The following MYO1H variants were observed in gnomAD, a reference collection of about 807,000 sequenced individuals.
MYO1H encodes unconventional myosin-Ih.
MYO1H carries 118 observed loss-of-function variants against 149.3 expected under a neutral mutation model. That is an observed-to-expected ratio of 0.79 (90% CI 0.68 to 0.92). The LOEUF (loss-of-function observed/expected upper bound fraction) is 0.92. Ranked by LOEUF, MYO1H falls within the 40% of genes least tolerant of loss-of-function variation. The pLI, the probability that MYO1H is intolerant of heterozygous loss-of-function variation, is 0.00. For synonymous variants in MYO1H, 447 were observed against 465.2 expected, an observed-to-expected ratio of 0.96 and a Z score of 0.50; for missense variants, 1,212 against 1,280.7, an observed-to-expected ratio of 0.95 and a Z score of 0.82.
intron 31 of MYO1H, 55 bp downstream of exon 31, chr12:109,445,667 A>T: frequency 6.4e-7 from 1 of 1,566,848 alleles, no homozygotes. Flanking sequence ...AATATAAGTT[A>T]AAGTTCTACC....
At chr12:109,438,410 T>A in intron 22 of MYO1H, 126 bp from the exon 23 acceptor site, 1 of 721,270 alleles carries the variant, frequency 1.4e-6, no homozygotes. Flanking sequence ...CTTCCATCTC[T>A]GAGGCTAACA....
At chr12:109,425,568 C>CA (rs1254365601) in intron 17 of MYO1H, among the ~76,000 whole-genome samples, 2 of 152,104 alleles carry the variant, frequency 1.3e-5, no homozygotes, top group Non-Finnish European at 2.9e-5. Context: ...AAAATACCAT[C>CA]AAATAAAGAA....
chr12:109,326,019 T>C, the MYO1H span, among the ~76,000 whole-genome samples: 1 of 152,224 alleles, frequency 6.6e-6, no homozygotes, highest in African/African-American at 2.4e-5. Context: ...AGACCATCCC[T>C]GATAGCAGTT....
Position 109,377,488 on chromosome 12 carries a change from C to A in MYO1H, c.13-11195C>A, listed in dbSNP as rs142047080. 4.0e-3 allele frequency among the ~76,000 whole-genome samples: 606 copies of A among 152,192 alleles called. 9 individuals are homozygous for A. Among genetic ancestry groups the A allele is most frequent in the African/African-American group, 0.012 (517 of 41,514 alleles). ...GGGCATTAATTTATTCATGAGGGAT[C>A]CATGGGATGGAGCCTATGACCCAAG... On this transcript the variant is annotated intron_variant, in intron 1 of 31. Coordinates refer to ENST00000310903, the Ensembl canonical transcript of MYO1H.
chr12:109,337,043 T>G, the MYO1H span, among the ~76,000 whole-genome samples: 4 of 152,152 alleles, frequency 2.6e-5, no homozygotes, highest in African/African-American at 9.7e-5. Flanking sequence ...AAGACACTTC[T>G]AGAACCTCTC....
intron 21 of MYO1H, among the ~76,000 whole-genome samples, 195 bp from the exon 22 acceptor site, chr12:109,436,293 G>A (rs2135594965): frequency 6.6e-6 from 1 of 152,194 alleles, no homozygotes. Context: ...CAGTTCCCGG[G>A]CAGCATCTGG....
intron 4 of MYO1H, among the ~76,000 whole-genome samples, chr12:109,396,853 GTCTC>G (rs1480939916): frequency 9.2e-6 from 1 of 108,334 alleles, no homozygotes; most frequent in Admixed American, 1.4e-4. Context: ...TTGAGACGGA[GTCTC>G]TCTCCGTCAC....
rs112535285 is a variant in MYO1H, at chr12:109,416,704, C to T, written c.1597+1084C>T. On this transcript the variant is annotated intron_variant, in intron 15 of 31. Coordinates refer to ENST00000310903, the Ensembl canonical transcript of MYO1H. The stretch of plus-strand genomic sequence containing the variant: ...GGAATTATTAGATTAGATATGGTAA[C>T]TCGGCCGGGTGTGATGGCTCACGCC... Among the ~76,000 whole-genome samples, 107 of 152,160 alleles carry T rather than the reference C, an allele frequency of 7.0e-4. 1 individual carries two copies. Among genetic ancestry groups the T allele is most frequent in the African/African-American group, 2.4e-3 (101 of 41,512 alleles).
intron 13 of MYO1H, 80 bp downstream of exon 13, chr12:109,410,848 A>G (rs1870631771): frequency 9.8e-7 from 1 of 1,021,588 alleles, no homozygotes; most frequent in Non-Finnish European, 1.5e-6. Context: ...AGGCTTAAAA[A>G]GGGTTGAGCC....
At position 109,441,492 on chromosome 12, in the gene MYO1H, T is replaced by C. The variant is rs117911972; in HGVS notation, c.2539-123T>C. The C allele has an allele frequency of 5.1e-3, 3,012 of 595,628 alleles. 47 individuals carry two copies. The highest frequency in any genetic ancestry group is 0.031 in the African/African-American group (1,643 of 52,558). The allele number at this position is 595,628 out of a possible 1,614,324, so 36.9% of individuals were successfully genotyped here. The stretch of plus-strand genomic sequence containing the variant: ...CAGGAAGGTGTTCTGACTTGTATGC[T>C]CCAGGGTAACAAGGCTCCCACAGTT... On this transcript the variant is annotated intron_variant, in intron 25 of 31. Transcript: ENST00000310903.
the MYO1H span, among the ~76,000 whole-genome samples, chr12:109,326,712 G>GTT: frequency 6.6e-6 from 1 of 151,764 alleles, no homozygotes; most frequent in South Asian, 2.1e-4. Flanking sequence ...TAGACATGGG[G>GTT]TTTCGCCACG....
At chr12:109,325,179 A>G in the MYO1H span, among the ~76,000 whole-genome samples, 1 of 152,218 alleles carries the variant, frequency 6.6e-6, no homozygotes. Context: ...TGCAATAAAC[A>G]TACATGTGCA....
intron 1 of MYO1H, among the ~76,000 whole-genome samples, chr12:109,349,069 A>G (rs139310465): frequency 1.3e-5 from 2 of 152,216 alleles, no homozygotes; most frequent in African/African-American, 2.4e-5. Flanking sequence ...ATGATATCTC[A>G]AAGTGGTAAC....
intron 1 of MYO1H, among the ~76,000 whole-genome samples, chr12:109,353,683 G>C (rs1401469167): frequency 6.6e-6 from 1 of 152,056 alleles, no homozygotes; most frequent in African/African-American, 2.4e-5. Flanking sequence ...AAGCAGTCTT[G>C]CTCTGTCACC....
the MYO1H span, among the ~76,000 whole-genome samples, chr12:109,318,157 A>G: frequency 1.3e-5 from 2 of 152,246 alleles, no homozygotes; most frequent in African/African-American, 4.8e-5. Flanking sequence ...GTATAAAACA[A>G]GTATCTGTGA....
At chr12:109,387,037 T>TA (rs138496984) in intron 1 of MYO1H, among the ~76,000 whole-genome samples, 5 of 141,324 alleles carry the variant, frequency 3.5e-5, no homozygotes, top group South Asian at 2.3e-4. Flanking sequence ...TGTGTGTGTG[T>TA]GTGTAGTGTA....
chr12:109,328,705 T>A, the MYO1H span, among the ~76,000 whole-genome samples: 1 of 152,246 alleles, frequency 6.6e-6, no homozygotes, highest in Non-Finnish European at 1.5e-5. Flanking sequence ...TTTTTCCTGT[T>A]TTGCAGAGAC....
the MYO1H span, among the ~76,000 whole-genome samples, chr12:109,335,711 G>A: frequency 6.6e-6 from 1 of 152,162 alleles, no homozygotes; most frequent in Non-Finnish European, 1.5e-5. Context: ...CACCAGGAAT[G>A]CTGAAGCCAT....
At chr12:109,427,676 CT>C in intron 19 of MYO1H, 90 bp downstream of exon 19, 1 of 869,060 alleles carries the variant, frequency 1.2e-6, no homozygotes, top group African/African-American at 1.7e-5. Flanking sequence ...AATGGCATCC[CT>C]TAGGAAGGCT....
Sources: allele counts gnomAD v4.1 joint callset (sites outside exome capture counted in the v4.1 genomes callset), GRCh38; gene constraint gnomAD v4.1.1; transcripts MANE v1.5; gene names NCBI Gene and HGNC (gene_info 2026-07-23, HGNC 2026-07-21).